The following CPED1 variants were observed in gnomAD, a reference collection of about 807,000 sequenced individuals.
CPED1 encodes the protein cadherin-like and PC-esterase domain-containing protein 1.
Under a neutral mutation model 128.2 loss-of-function variants are expected in CPED1, and 114 were observed. That is an observed-to-expected ratio of 0.89 (90% CI 0.76 to 1.04). The LOEUF is 1.04. CPED1 is among the 50% of genes least tolerant of loss of function. The pLI is 0.00. For missense variants in CPED1, 1,211 were observed against 1,207.1 expected (o/e 1.00, Z -0.05); for synonymous variants, 462 against 426.7 (o/e 1.08, Z -1.02).
rs540623392 is a variant in CPED1 at position 121,130,043 on chromosome 7, ATGAC to A, written c.1408-80_1408-77del. 1.1e-4 allele frequency: 122 copies of A among 1,097,648 alleles called. No individual in the cohort carries two copies. In the African/African-American group the frequency reaches 1.8e-3, roughly 16 times the overall value. The allele number at this position is 1,097,648 out of a possible 1,614,324, so 68.0% of individuals were successfully genotyped here. On this transcript the variant is annotated intron_variant, in intron 11 of 22. Transcript: ENST00000310396. ...AACAAATATCTGACTTTTTAAATAA[ATGAC>A]TAAGTATAAGGCTGTTCATAGTAAT...
chr7:121,070,397 C>T (rs1023957049), intron 5 of CPED1, among the ~76,000 whole-genome samples: 2 of 151,888 alleles, frequency 1.3e-5, no homozygotes, highest in Admixed American at 6.6e-5. Flanking sequence ...ATGCTTCTGT[C>T]ATTCCAAAGA....
intron 16 of CPED1, among the ~76,000 whole-genome samples, chr7:121,182,741 A>C (rs1482360112): frequency 6.6e-6 from 1 of 151,914 alleles, no homozygotes; most frequent in Non-Finnish European, 1.5e-5. Flanking sequence ...TCCGCTTGCT[A>C]TTGGGATTAC....
At chr7:121,217,748 G>C (rs1445974463) in intron 16 of CPED1, among the ~76,000 whole-genome samples, 3 of 151,948 alleles carry the variant, frequency 2.0e-5, no homozygotes, top group Non-Finnish European at 2.9e-5. Flanking sequence ...TATTACATGT[G>C]CCTGTACCTC....
rs998197593 is a variant in CPED1, at chr7:121,150,972, T to G, written c.2055+8831T>G. On this transcript the variant is annotated intron_variant, in intron 16 of 22. Transcript: ENST00000310396. ...TTAGTAGAGCTGGGATTCGCCATTTTGGCCAGGCTGGTCTCAAACTCCTGA... is the reference window on the plus strand; with the variant it reads ...TTAGTAGAGCTGGGATTCGCCATTTGGGCCAGGCTGGTCTCAAACTCCTGA... Among the ~76,000 whole-genome samples the G allele has an allele frequency of 2.0e-5, 3 of 152,130 alleles. No individual in the cohort carries two copies. The East Asian group carries it at 5.8e-4, about 29-fold the overall frequency.
chr7:121,025,693 T>A (rs1477582294), intron 3 of CPED1, among the ~76,000 whole-genome samples: 2 of 152,192 alleles, frequency 1.3e-5, no homozygotes, highest in Admixed American at 1.3e-4. Flanking sequence ...GTGTTCTTTC[T>A]CCAAATATGG....
chr7:121,043,705 G>T (rs1793117756), intron 3 of CPED1, among the ~76,000 whole-genome samples: 2 of 152,142 alleles, frequency 1.3e-5, no homozygotes. Flanking sequence ...GTGGGAAGTG[G>T]CTCCAGCCAG....
intron 21 of CPED1, 83 bp from the exon 22 acceptor site, chr7:121,271,201 T>G: frequency 5.4e-6 from 6 of 1,119,562 alleles, no homozygotes; most frequent in Non-Finnish European, 7.7e-6. Context: ...AAAAAAGACA[T>G]TTACATAATT....
chr7:121,154,458 G>C (rs758700532), intron 16 of CPED1, among the ~76,000 whole-genome samples: 1 of 151,544 alleles, frequency 6.6e-6, no homozygotes, highest in Non-Finnish European at 1.5e-5. Context: ...TTTTTTTGAG[G>C]TATATTCATT....
At position 121,074,148 on chromosome 7, in the gene CPED1, G is replaced by GAC. The variant is rs549874456; in HGVS notation, c.616+9836_616+9837dup. On this transcript the variant is annotated intron_variant, in intron 5 of 22. Coordinates refer to ENST00000310396, the MANE Select transcript of CPED1 (RefSeq NM_024913.5). Reference sequence around the variant, plus strand: ...GAGACATTGTGTTTGAGGGCAAGTAGACCACTTTGATGCCTTCAAAGTGTA... The same window carrying GAC: ...GAGACATTGTGTTTGAGGGCAAGTAGACACCACTTTGATGCCTTCAAAGTGTA... 1.9e-4 allele frequency among the ~76,000 whole-genome samples: 29 copies of GAC among 152,168 alleles called. 1 individual carries two copies. The South Asian group carries it at 6.0e-3, about 32-fold the overall frequency.
rs978345872 is a variant in CPED1 at position 121,046,963 on chromosome 7, A to G, written c.510A>G (p.Glu170=). The G allele has an allele frequency of 6.2e-7, 1 of 1,612,544 alleles. No homozygotes were observed. Among genetic ancestry groups the G allele is most frequent in the Non-Finnish European group, 8.5e-7 (1 of 1,179,018 alleles). ...KAEGTPCISK[E]VMCQLGLHQK... ...AAGGAACACCCTGTATATCCAAGGA[A>G]GTCATGTGCCAGTTAGGTTTACATC... Residue 170 remains glutamate (E), a synonymous_variant, in exon 4 of 23, where the codon GAA becomes GAG. Transcript: ENST00000310396.
chr7:121,145,443 T>C (rs758350121), intron 16 of CPED1, among the ~76,000 whole-genome samples: 5 of 152,102 alleles, frequency 3.3e-5, no homozygotes, highest in Non-Finnish European at 7.4e-5. Context: ...TTACAGTTTA[T>C]GTGTGGTCCC....
chr7:121,126,538 AG>A (rs1795508582), intron 9 of CPED1, among the ~76,000 whole-genome samples: 3 of 152,110 alleles, frequency 2.0e-5, no homozygotes, highest in Non-Finnish European at 2.9e-5. Context: ...GTGGGAAAAA[AG>A]GAAGAAGGGG....
intron 7 of CPED1, among the ~76,000 whole-genome samples, chr7:121,106,930 C>A (rs1486161114): frequency 2.0e-5 from 3 of 152,074 alleles, no homozygotes; most frequent in Admixed American, 2.0e-4. Context: ...AGAGTAAAAA[C>A]CAAGCCTGGG....
intron 16 of CPED1, among the ~76,000 whole-genome samples, chr7:121,183,960 T>C (rs1406911240): frequency 6.6e-6 from 1 of 152,048 alleles, no homozygotes; most frequent in East Asian, 1.9e-4. Context: ...GCCAACATAG[T>C]GAAACCCTGT....
At chr7:121,294,159 G>T (rs1792772317) in intron 22 of CPED1, among the ~76,000 whole-genome samples, 1 of 151,898 alleles carries the variant, frequency 6.6e-6, no homozygotes, top group Non-Finnish European at 1.5e-5. Context: ...ATTTCACTAG[G>T]ACAACGTTTG....
intron 2 of CPED1, among the ~76,000 whole-genome samples, chr7:120,997,724 C>T (rs1215879895): frequency 6.6e-6 from 1 of 151,922 alleles, no homozygotes; most frequent in Non-Finnish European, 1.5e-5. Context: ...AGTTTGAGAC[C>T]AGCCTGGCCA....
At chr7:121,217,992 T>C (rs1441404192) in intron 16 of CPED1, among the ~76,000 whole-genome samples, 1 of 150,994 alleles carries the variant, frequency 6.6e-6, no homozygotes, top group Non-Finnish European at 1.5e-5. Flanking sequence ...TTGCCAATTT[T>C]TTTTTTTTTT....
intron 16 of CPED1, among the ~76,000 whole-genome samples, chr7:121,213,373 A>G (rs1173983696): frequency 6.6e-6 from 1 of 152,042 alleles, no homozygotes; most frequent in Non-Finnish European, 1.5e-5. Flanking sequence ...GCAAAGGTTC[A>G]ATGCCATAGT....
At chr7:121,209,354 GT>G (rs1797594078) in intron 16 of CPED1, among the ~76,000 whole-genome samples, 1 of 151,898 alleles carries the variant, frequency 6.6e-6, no homozygotes, top group Admixed American at 6.6e-5. Context: ...AAAAATTACT[GT>G]CTCCTCAGGA....
Sources: gnomAD v4.1 joint callset for allele counts (sites outside exome capture counted in the v4.1 genomes callset) on GRCh38, gnomAD v4.1.1 for gene constraint, MANE v1.5 for transcripts, NCBI Gene and HGNC (gene_info 2026-07-23, HGNC 2026-07-21) for gene names.